The following MGST2 variants were observed in gnomAD, a reference collection of about 807,000 sequenced individuals.
MGST2 encodes the protein microsomal glutathione S-transferase 2.
MGST2 carries 9 observed loss-of-function variants against 16.6 expected under a neutral mutation model. The ratio of observed to expected loss-of-function variants is 0.54; its 90% CI spans 0.33 to 0.95. MGST2 has a LOEUF of 0.95. Ranked by LOEUF, MGST2 falls within the 40% of genes least tolerant of loss-of-function variation. The pLI is 0.03. For missense variants in MGST2, 159 were observed against 175.1 expected (o/e 0.91, Z 0.52); for synonymous variants, 79 against 68.0 (o/e 1.16, Z -0.79).
intron 5 of MGST2, among the ~76,000 whole-genome samples, chr4:139,714,919 G>A (rs1369165442): frequency 1.3e-5 from 2 of 152,138 alleles, no homozygotes; most frequent in Admixed American, 1.3e-4. Context: ...CCAGGATCCT[G>A]TACATTCCTA....
chr4:139,688,466 C>T (rs910824786), intron 2 of MGST2, among the ~76,000 whole-genome samples: 10 of 151,922 alleles, frequency 6.6e-5, no homozygotes, highest in South Asian at 4.2e-4. Flanking sequence ...TCGTGAATCT[C>T]GGTACCCTTT....
intron 1 of MGST2, among the ~76,000 whole-genome samples, chr4:139,671,541 A>G (rs1424455496): frequency 6.6e-6 from 1 of 150,518 alleles, no homozygotes; most frequent in Non-Finnish European, 1.5e-5. Context: ...TCTCAGCTCA[A>G]CTGCAGCCTC....
At position 139,678,587 on chromosome 4, in the gene MGST2, G is replaced by T. The variant is rs772904760; in HGVS notation, c.103G>T (p.Val35Phe). 1.3e-5 allele frequency: 21 copies of T among 1,614,012 alleles called. No individual in the cohort carries two copies. Among genetic ancestry groups the T allele is most frequent in the Admixed American group, 1.7e-5 (1 of 59,992 alleles). The change falls in exon 2 of 5, where the codon GTT (valine) becomes TTT (phenylalanine). Residue 35 changes from valine to phenylalanine, a missense_variant. Transcript: ENST00000265498. ...QVGKARLKYK[V>F]TPPAVTGSPE... ...TGGAAAGGCAAGATTAAAATACAAAGTTACGCCCCCAGCAGTCACTGGGTC... is the reference window on the plus strand; with the variant it reads ...TGGAAAGGCAAGATTAAAATACAAATTTACGCCCCCAGCAGTCACTGGGTC...
chr4:139,730,138 G>T (rs1157436251), intron 5 of MGST2: 1 of 515,098 alleles, frequency 1.9e-6, no homozygotes, highest in Non-Finnish European at 3.5e-6. Context: ...AAATCAGAAG[G>T]AAAGGAGTCA....
At chr4:139,671,360 A>G (rs1730683431) in intron 1 of MGST2, among the ~76,000 whole-genome samples, 1 of 152,072 alleles carries the variant, frequency 6.6e-6, no homozygotes, top group Non-Finnish European at 1.5e-5. Context: ...GGCAAAGCAA[A>G]AGGAGATTAT....
intron 2 of MGST2, among the ~76,000 whole-genome samples, chr4:139,688,086 A>G (rs556142327): frequency 1.4e-4 from 21 of 152,316 alleles, no homozygotes; most frequent in African/African-American, 4.8e-4. Flanking sequence ...ATTTAAATAC[A>G]TTTCCTCTGA....
chr4:139,729,426 C>T (rs72730203), intron 5 of MGST2, among the ~76,000 whole-genome samples: 3,522 of 152,172 alleles, frequency 0.023, 67 homozygotes, highest in Admixed American at 0.045. Context: ...TCGAGACCAG[C>T]CTGGTCAACA....
intron 2 of MGST2, among the ~76,000 whole-genome samples, chr4:139,683,921 T>TA (rs2110839834): frequency 1.1e-5 from 1 of 91,728 alleles, no homozygotes; most frequent in East Asian, 3.8e-4. Context: ...AGTTTTGTGT[T>TA]TTTTTTTTTT....
At chr4:139,712,809 C>T (rs1727790594) in intron 5 of MGST2, among the ~76,000 whole-genome samples, 2 of 152,168 alleles carry the variant, frequency 1.3e-5, no homozygotes, top group Admixed American at 6.5e-5. Flanking sequence ...AGTTTGATTC[C>T]TTAAAGGAAA....
chr4:139,752,724 A>G, the MGST2 span, among the ~76,000 whole-genome samples: 9 of 152,246 alleles, frequency 5.9e-5, no homozygotes, highest in African/African-American at 2.2e-4. Flanking sequence ...AACATGGCCA[A>G]TCGAAGATCG....
At chr4:139,668,869 A>T (rs887814228) in intron 1 of MGST2, among the ~76,000 whole-genome samples, 1 of 151,982 alleles carries the variant, frequency 6.6e-6, no homozygotes, top group Middle Eastern at 3.2e-3. Flanking sequence ...TCAGGATTTG[A>T]TAGGGATATT....
At chr4:139,685,494 T>C (rs962778397) in intron 2 of MGST2, 1 of 152,208 alleles carries the variant, frequency 6.6e-6, no homozygotes, top group Non-Finnish European at 1.5e-5. Context: ...TTTTTTTTTC[T>C]TTAACTAGCA....
At chr4:139,723,722 A>G (rs1728353967) in intron 5 of MGST2, among the ~76,000 whole-genome samples, 1 of 152,188 alleles carries the variant, frequency 6.6e-6, no homozygotes, top group South Asian at 2.1e-4. Flanking sequence ...CACAAATAAT[A>G]CATGAGTTAT....
At chr4:139,720,404 G>A in intron 5 of MGST2, 4 of 1,312,676 alleles carry the variant, frequency 3.0e-6, no homozygotes, top group South Asian at 3.5e-5. Context: ...ATTTTCTTTG[G>A]GAATGACAAA....
downstream of MGST2, among the ~76,000 whole-genome samples, chr4:139,741,229 T>C (rs73854339): frequency 6.6e-6 from 1 of 151,924 alleles, no homozygotes; most frequent in Non-Finnish European, 1.5e-5. Flanking sequence ...ATGTAAAGAT[T>C]GTGGCTGACG....
intron 2 of MGST2, among the ~76,000 whole-genome samples, chr4:139,690,014 CAG>C (rs999771356): frequency 2.0e-5 from 3 of 152,120 alleles, no homozygotes; most frequent in Non-Finnish European, 2.9e-5. Flanking sequence ...TTTTTTGAGA[CAG>C]AGCCTTGCTC....
At chr4:139,720,662 A>T (rs931890174) in intron 5 of MGST2, among the ~76,000 whole-genome samples, 1 of 152,238 alleles carries the variant, frequency 6.6e-6, no homozygotes, top group African/African-American at 2.4e-5. Context: ...CTTTTCCACT[A>T]AACAGATCCT....
chr4:139,679,097 T>C, intron 2 of MGST2: 1 of 180,828 alleles, frequency 5.5e-6, no homozygotes, highest in South Asian at 1.2e-4. Context: ...CCTGTAAGAA[T>C]GAGAAAGCTT....
At chr4:139,741,346 A>AC (rs1283446812), downstream of MGST2, among the ~76,000 whole-genome samples, 1 of 152,212 alleles carries the variant, frequency 6.6e-6, no homozygotes, top group African/African-American at 2.4e-5. Context: ...CCTTGCATCC[A>AC]CAAGAACCTT....
Sources: gnomAD v4.1 joint callset for allele counts (sites outside exome capture counted in the v4.1 genomes callset) on GRCh38, gnomAD v4.1.1 for gene constraint, MANE v1.5 for transcripts, NCBI Gene and HGNC (gene_info 2026-07-23, HGNC 2026-07-21) for gene names.